MAST4: variants seen among roughly 807,000 people sequenced by gnomAD.
MAST4 encodes the protein microtubule-associated serine/threonine-protein kinase 4.
Under a neutral mutation model 162.7 loss-of-function variants are expected in MAST4, and 89 were observed. That is an observed-to-expected ratio of 0.55 (90% confidence interval 0.46 to 0.65). The LOEUF (loss-of-function observed/expected upper bound fraction) is 0.65, where lower values mean the gene tolerates loss of function less well. MAST4 is among the 30% of genes least tolerant of loss of function. The pLI is 0.00. For synonymous variants in MAST4, 1,479 were observed against 1,361.1 expected, an observed-to-expected ratio of 1.09 and a Z score of -1.91; for missense variants, 3,153 against 3,374.0, an observed-to-expected ratio of 0.93 and a Z score of 1.62.
chr5:67,130,345 C>A lies in MAST4; in HGVS notation c.1881C>A (p.Asn627Lys), dbSNP rs908777391. 3.7e-6 allele frequency: 6 copies of A among 1,613,980 alleles called. No individual in the cohort carries two copies. Among genetic ancestry groups the A allele is most frequent in the Non-Finnish European group, 4.2e-6 (5 of 1,179,904 alleles). The change falls in exon 15 of 29, where the codon AAC becomes AAA. Residue 627 changes from asparagine (N) to lysine (K), a missense_variant. Around this residue, in one of 7 missense-constraint regions of MAST4, gnomAD observed 131 missense variants for 253.8 expected, o/e 0.52. Transcript: ENST00000403625. The stretch of plus-strand genomic sequence containing the variant: ...GGGATATCCTGACTTTTGCAGAAAA[C>A]CCCTTTGTTGTCAGCATGTATTGCT... ...VERDILTFAE[N>K]PFVVSMYCSF...
chr5:67,062,273 C>T (rs1759717110), intron 5 of MAST4, among the ~76,000 whole-genome samples: 2 of 152,090 alleles, frequency 1.3e-5, no homozygotes, highest in African/African-American at 4.8e-5. Flanking sequence ...TGGCACATAC[C>T]TGTAGTCCCA....
At chr5:66,743,805 G>A (rs116290763) in intron 1 of MAST4, among the ~76,000 whole-genome samples, 2,125 of 152,156 alleles carry the variant, frequency 0.014, 49 homozygotes, top group African/African-American at 0.047. Context: ...TTTTTTTCTC[G>A]TGGATTATAC....
intron 3 of MAST4, among the ~76,000 whole-genome samples, chr5:66,842,943 A>G (rs1347337610): frequency 6.6e-6 from 1 of 152,170 alleles, no homozygotes. Flanking sequence ...AATTTCATGA[A>G]TGAAACTTTG....
At chr5:66,952,129 G>C (rs1245337442) in intron 4 of MAST4, among the ~76,000 whole-genome samples, 1 of 152,174 alleles carries the variant, frequency 6.6e-6, no homozygotes, top group African/African-American at 2.4e-5. Flanking sequence ...AGATGACAAT[G>C]ATGAACCCTC....
chr5:67,090,315 C>G, intron 6 of MAST4, 84 bp downstream of exon 6: 1 of 839,148 alleles, frequency 1.2e-6, no homozygotes, highest in Non-Finnish European at 1.8e-6. Context: ...CTCCCCCTCC[C>G]CACTTCTTCC....
chr5:66,846,753 G>T (rs1209401096), intron 3 of MAST4, among the ~76,000 whole-genome samples: 1 of 152,174 alleles, frequency 6.6e-6, no homozygotes, highest in East Asian at 1.9e-4. Flanking sequence ...TAAAATTTTA[G>T]TTGCTGTTTA....
intron 1 of MAST4, among the ~76,000 whole-genome samples, chr5:66,674,177 C>T (rs1718686262): frequency 6.6e-6 from 1 of 152,094 alleles, no homozygotes; most frequent in South Asian, 2.1e-4. Flanking sequence ...AGAATATAAA[C>T]TTAGGAAGGA....
rs1742204652 is a variant in MAST4, at chr5:66,596,775, GTCC to G, written c.126_128del (p.Ser43del). 5.1e-6 allele frequency: 7 copies of G among 1,382,356 alleles called. No homozygotes were observed. Among genetic ancestry groups the G allele is most frequent in the Non-Finnish European group, 6.6e-6 (7 of 1,065,454 alleles). The allele number at this position is 1,382,356 out of a possible 1,614,324, so 85.6% of individuals were successfully genotyped here. A position where few individuals can be genotyped will look rare whatever the true frequency, so the allele number is the denominator to read the frequency against. ...CCTCTCCGGGTGCTTCCTCGGCCGA[GTCC>G]TCCTCGGGCTCAGAAACTCTGTCGG... is the stretch of plus-strand genomic sequence containing the variant. On this transcript the variant is annotated inframe_deletion, in exon 1 of 29. Transcript: ENST00000403625.
intron 4 of MAST4, among the ~76,000 whole-genome samples, chr5:66,956,375 G>A (rs1745316981): frequency 6.6e-6 from 1 of 151,952 alleles, no homozygotes; most frequent in African/African-American, 2.4e-5. Flanking sequence ...ACAACGTCCA[G>A]GGTTTCTCTC....
chr5:67,062,895 A>T (rs1421635225), intron 5 of MAST4, among the ~76,000 whole-genome samples: 1 of 151,616 alleles, frequency 6.6e-6, no homozygotes, highest in Admixed American at 6.5e-5. Flanking sequence ...CTCCTTGTAG[A>T]GTGTCATTTT....
At chr5:66,926,025 A>G (rs1764867235) in intron 4 of MAST4, among the ~76,000 whole-genome samples, 1 of 151,918 alleles carries the variant, frequency 6.6e-6, no homozygotes, top group South Asian at 2.1e-4. Flanking sequence ...CCAGTCTTCT[A>G]TATAAAGGAA....
intron 6 of MAST4, among the ~76,000 whole-genome samples, chr5:67,091,046 C>T (rs1763813916): frequency 1.3e-5 from 2 of 151,588 alleles, no homozygotes; most frequent in African/African-American, 2.4e-5. Flanking sequence ...TCTGAATGTC[C>T]TAGATATTTG....
In MAST4 at chr5:66,615,923, T is replaced by C. The variant is rs181001540; in HGVS notation, c.363+18905T>C. 5.3e-5 allele frequency among the ~76,000 whole-genome samples: 8 copies of C among 152,338 alleles called. No individual in the cohort carries two copies. The East Asian group carries it at 1.5e-3, about 29-fold the overall frequency. The stretch of plus-strand genomic sequence containing the variant: ...CTGCCCTCAGCAAGGTAGTTGCTTC[T>C]TGCATTTGGGCATTATGCAAAGGAC... On this transcript the variant is annotated intron_variant, in intron 1 of 28. Coordinates refer to ENST00000403625, the MANE Select transcript of MAST4 (RefSeq NM_001164664.2).
intron 1 of MAST4, among the ~76,000 whole-genome samples, chr5:66,653,787 T>A (rs562649022): frequency 5.3e-5 from 8 of 152,342 alleles, no homozygotes; most frequent in Admixed American, 1.3e-4. Flanking sequence ...GTCATTCATT[T>A]GTCTCTTTCT....
intron 5 of MAST4, among the ~76,000 whole-genome samples, chr5:67,085,326 G>A (rs1291758468): frequency 2.0e-5 from 3 of 152,114 alleles, no homozygotes; most frequent in Non-Finnish European, 4.4e-5. Flanking sequence ...TACCTTGTCT[G>A]TGCTGGTAGC....
intron 26 of MAST4, 147 bp downstream of exon 26, chr5:67,153,727 T>A: frequency 1.3e-6 from 1 of 769,692 alleles, no homozygotes; most frequent in Non-Finnish European, 1.9e-6. Flanking sequence ...AAAGATATTA[T>A]GAATTCTCTG....
In MAST4 at chr5:66,985,919, C is replaced by T. The variant is rs549191895; in HGVS notation, c.675-68485C>T. Among the ~76,000 whole-genome samples, 6 of 152,294 alleles carry T rather than the reference C, an allele frequency of 3.9e-5. No homozygotes were observed. In the South Asian group the frequency reaches 1.2e-3, roughly 32 times the overall value. ...ATCTCACCTACTTCTAAAAAAGACT[C>T]AAGTCATCTACATGTAGACAGCACA... On this transcript the variant is annotated intron_variant, in intron 4 of 28. Transcript: ENST00000403625.
intron 1 of MAST4, among the ~76,000 whole-genome samples, chr5:66,687,845 A>G (rs1279674536): frequency 6.6e-6 from 1 of 152,178 alleles, no homozygotes; most frequent in Admixed American, 6.5e-5. Context: ...GATTTCTAGC[A>G]GCAATTTTAT....
intron 4 of MAST4, among the ~76,000 whole-genome samples, chr5:66,907,701 C>G (rs964042824): frequency 3.3e-5 from 5 of 151,174 alleles, no homozygotes; most frequent in African/African-American, 1.2e-4. Context: ...CCTTGACTGC[C>G]TGTCTAGAAA....
Sources: allele counts gnomAD v4.1 joint callset (sites outside exome capture counted in the v4.1 genomes callset), GRCh38; gene constraint gnomAD v4.1.1; regional missense constraint gnomAD v4.1.1; transcripts MANE v1.5; gene names NCBI Gene and HGNC (gene_info 2026-07-23, HGNC 2026-07-21).